Variants in LITAF observed in about 807,000 individuals in gnomAD.
LITAF encodes the protein lipopolysaccharide-induced tumor necrosis factor-alpha factor.
In LITAF, 9 loss-of-function variants were observed where a neutral mutation model predicts 14.5. That is an observed-to-expected ratio of 0.62 (90% CI 0.37 to 1.08). LITAF has a LOEUF of 1.08. Ranked by LOEUF, LITAF falls within the 50% of genes least tolerant of loss-of-function variation. LITAF has a pLI of 0.01. For missense variants in LITAF, 206 were observed against 213.4 expected (o/e 0.97, Z 0.22); for synonymous variants, 98 against 88.2 (o/e 1.11, Z -0.62).
intron 3 of LITAF, among the ~76,000 whole-genome samples, chr16:11,604,744 T>C (rs1216216684): frequency 1.3e-5 from 2 of 150,468 alleles, no homozygotes; most frequent in Admixed American, 6.7e-5. Context: ...TAGATATTGC[T>C]GGGCACATGG....
At chr16:11,562,313 C>CAAAA (rs57317505) in intron 1 of LITAF, among the ~76,000 whole-genome samples, 65 of 61,254 alleles carry the variant, frequency 1.1e-3, no homozygotes, top group Non-Finnish European at 1.3e-3. Flanking sequence ...GACTCCGTCT[C>CAAAA]AAAAAAAAAA....
chr16:11,631,637 T>C (rs1207022456), intron 3 of LITAF, among the ~76,000 whole-genome samples: 1 of 152,118 alleles, frequency 6.6e-6, no homozygotes, highest in Non-Finnish European at 1.5e-5. Flanking sequence ...GGATTCACCC[T>C]CCTCAACCTC....
At chr16:11,627,289 G>A (rs547717266) in intron 3 of LITAF, among the ~76,000 whole-genome samples, 35 of 152,280 alleles carry the variant, frequency 2.3e-4, no homozygotes, top group African/African-American at 7.9e-4. Context: ...ATGAAAACCC[G>A]GAGCTGCCCA....
At chr16:11,573,904 G>T (rs1252321612) in intron 1 of LITAF, among the ~76,000 whole-genome samples, 3 of 151,628 alleles carry the variant, frequency 2.0e-5, no homozygotes, top group Non-Finnish European at 4.4e-5. Context: ...GTTTCACCAC[G>T]TTGGCCAGGC....
chr16:11,555,725 A>C (rs1597331836), intron 2 of LITAF, among the ~76,000 whole-genome samples: 1 of 152,302 alleles, frequency 6.6e-6, no homozygotes, highest in Admixed American at 6.5e-5. Context: ...AAGAATCTAA[A>C]GTCATTATCT....
intron 2 of LITAF, chr16:11,556,135 T>A (rs1039810014): frequency 7.9e-6 from 3 of 380,584 alleles, no homozygotes; most frequent in African/African-American, 6.1e-5. Context: ...CGGTTTCTTC[T>A]CCTCCCTATT....
rs778620775 is a variant in LITAF, at chr16:11,548,464, A to T, written c.*1173T>A. 1.3e-5 allele frequency: 6 copies of T among 453,882 alleles called. No individual in the cohort carries two copies. Among genetic ancestry groups the T allele is most frequent in the Non-Finnish European group, 2.6e-5 (6 of 226,768 alleles). The allele number at this position is 453,882 out of a possible 1,614,324, so 28.1% of individuals were successfully genotyped here. A position where few individuals can be genotyped will look rare whatever the true frequency, so the allele number is the denominator to read the frequency against. Reference sequence around the variant, plus strand: ...ACATGCTCAAAATGTGCTTTCCCTTATCTTTCAAAACCCACCACCAGGAAA... The same window carrying T: ...ACATGCTCAAAATGTGCTTTCCCTTTTCTTTCAAAACCCACCACCAGGAAA... On this transcript the variant is annotated 3_prime_UTR_variant, in exon 4 of 4. Coordinates refer to ENST00000622633, the MANE Select transcript of LITAF (RefSeq NM_001136472.2).
At chr16:11,550,247 G>A (rs2064163508) in intron 3 of LITAF, among the ~76,000 whole-genome samples, 1 of 152,158 alleles carries the variant, frequency 6.6e-6, no homozygotes, top group Non-Finnish European at 1.5e-5. Flanking sequence ...ATGCCACCAG[G>A]CCCAGCTAAT....
chr16:11,561,907 A>T (rs916150794), intron 1 of LITAF, among the ~76,000 whole-genome samples: 18 of 148,958 alleles, frequency 1.2e-4, no homozygotes, highest in East Asian at 2.0e-4. Context: ...TCTTTTTTTT[A>T]AAAAAGAGGG....
chr16:11,552,598 TG>T (rs2064197522), intron 3 of LITAF, among the ~76,000 whole-genome samples: 1 of 152,150 alleles, frequency 6.6e-6, no homozygotes, highest in Admixed American at 6.5e-5. Flanking sequence ...CTGTGAAGCT[TG>T]TCCCTACATG....
chr16:11,563,123 T>C (rs991997149), intron 1 of LITAF, among the ~76,000 whole-genome samples: 53 of 150,866 alleles, frequency 3.5e-4, no homozygotes, highest in Admixed American at 3.4e-3. Flanking sequence ...AGTGAGACCA[T>C]ATCTCTACAC....
At chr16:11,585,656 G>C (rs1047809246) in intron 1 of LITAF, among the ~76,000 whole-genome samples, 2 of 152,176 alleles carry the variant, frequency 1.3e-5, no homozygotes, top group African/African-American at 4.8e-5. Context: ...AGAAGGCAGG[G>C]GGTGAGAGGG....
At chr16:11,627,571 T>C (rs1263879053) in intron 3 of LITAF, among the ~76,000 whole-genome samples, 1 of 152,100 alleles carries the variant, frequency 6.6e-6, no homozygotes, top group Non-Finnish European at 1.5e-5. Context: ...GGCCTGGGAG[T>C]GGCGGCTCAC....
chr16:11,640,170 C>T (rs1465601038), upstream of LITAF, among the ~76,000 whole-genome samples: 3 of 152,330 alleles, frequency 2.0e-5, no homozygotes, highest in Non-Finnish European at 2.9e-5. Flanking sequence ...TAGGCATTCA[C>T]GGCTGGATCC....
At chr16:11,589,490 C>T (rs1159406472), upstream of LITAF, among the ~76,000 whole-genome samples, 2 of 152,136 alleles carry the variant, frequency 1.3e-5, no homozygotes, top group East Asian at 3.8e-4. Flanking sequence ...TAAAGTGAAG[C>T]TATCTCTATT....
At chr16:11,619,973 G>C (rs2065040304) in intron 3 of LITAF, among the ~76,000 whole-genome samples, 1 of 151,950 alleles carries the variant, frequency 6.6e-6, no homozygotes, top group African/African-American at 2.4e-5. Flanking sequence ...TTGGAGACCA[G>C]CCTGGCCAAT....
intron 2 of LITAF, among the ~76,000 whole-genome samples, chr16:11,635,589 C>T (rs1415027460): frequency 6.6e-6 from 1 of 152,178 alleles, no homozygotes; most frequent in African/African-American, 2.4e-5. Context: ...CCAAAGTGCC[C>T]ACTTCAAGGA....
At chr16:11,588,087 G>A (rs551657411), upstream of LITAF, among the ~76,000 whole-genome samples, 24 of 152,212 alleles carry the variant, frequency 1.6e-4, no homozygotes, top group African/African-American at 5.1e-4. Context: ...GTCCACTGAC[G>A]GGCCACCCTC....
upstream of LITAF, among the ~76,000 whole-genome samples, chr16:11,602,605 T>C (rs904743384): frequency 2.0e-5 from 3 of 152,092 alleles, no homozygotes; most frequent in African/African-American, 7.2e-5. Context: ...CCTTTCTTTG[T>C]AAACAAAATG....
Sources: allele counts gnomAD v4.1 joint callset (sites outside exome capture counted in the v4.1 genomes callset), GRCh38; gene constraint gnomAD v4.1.1; transcripts MANE v1.5; gene names NCBI Gene and HGNC (gene_info 2026-07-23, HGNC 2026-07-21).